LMCD1: variants seen among roughly 807,000 people sequenced by gnomAD.
LMCD1 encodes LIM and cysteine rich domains 1.
LMCD1 carries 32 observed loss-of-function variants against 42.7 expected under a neutral mutation model. The observed-to-expected ratio is 0.75, with a 90% CI of 0.57 to 1.01. The LOEUF is 1.01. Ranked by LOEUF, LMCD1 falls within the 50% of genes least tolerant of loss-of-function variation. The probability of loss-of-function intolerance (pLI) is 0.00; values close to 1 mark genes in which losing one functional copy is unlikely to be tolerated. For synonymous variants in LMCD1, 178 were observed against 184.9 expected, an observed-to-expected ratio of 0.96 and a Z score of 0.30; for missense variants, 458 against 483.1, an observed-to-expected ratio of 0.95 and a Z score of 0.49.
intron 1 of LMCD1, among the ~76,000 whole-genome samples, chr3:8,521,156 A>G (rs1342162157): frequency 6.6e-6 from 1 of 152,106 alleles, no homozygotes; most frequent in Admixed American, 6.5e-5. Flanking sequence ...GGATACAACA[A>G]CATGTAAACA....
chr3:8,527,648 C>T (rs1694325505), intron 1 of LMCD1, among the ~76,000 whole-genome samples: 1 of 152,058 alleles, frequency 6.6e-6, no homozygotes, highest in African/African-American at 2.4e-5. Flanking sequence ...AACATGTATG[C>T]TTATAGAACT....
intron 1 of LMCD1, among the ~76,000 whole-genome samples, chr3:8,514,374 G>A (rs1340514841): frequency 6.6e-6 from 1 of 152,192 alleles, no homozygotes; most frequent in South Asian, 2.1e-4. Flanking sequence ...GTGCTGGAGA[G>A]GATGTGGAGC....
rs568297496 is a variant in LMCD1 at position 8,523,870 on chromosome 3, A to T, written c.43-8867A>T. Among the ~76,000 whole-genome samples, 20 of 152,274 alleles carry T rather than the reference A, an allele frequency of 1.3e-4. No homozygotes were observed. In the South Asian group the frequency reaches 4.2e-3, roughly 32 times the overall value. On this transcript the variant is annotated intron_variant, in intron 1 of 5. Transcript: ENST00000157600. ...GGTGACACACAGGACCTGTCTCAGG[A>T]GGAGAGGTCAGGCAGAGGATTTACT... is the stretch of plus-strand genomic sequence containing the variant.
In LMCD1 at chr3:8,567,806, A is replaced by G; in HGVS notation, c.*208A>G. On this transcript the variant is annotated 3_prime_UTR_variant, in exon 6 of 6. Coordinates refer to ENST00000157600, the MANE Select transcript of LMCD1 (RefSeq NM_014583.4). ...ATCCTTGAGGGTCAGTAGTTTCAAA[A>G]CCAAAAATATTCTAAGAAGTCTTAG... is the stretch of plus-strand genomic sequence containing the variant. 2.7e-6 allele frequency: 1 copy of G among 374,450 alleles called. No homozygotes were observed. Among genetic ancestry groups the G allele is most frequent in the Middle Eastern group, 6.8e-4 (1 of 1,466 alleles). 23.2% of individuals were successfully genotyped at this position (374,450 alleles called of 1,614,324 possible). A position where few individuals can be genotyped will look rare whatever the true frequency, so the allele number is the denominator to read the frequency against.
At chr3:8,502,658 T>C (rs1220553187) in intron 1 of LMCD1, among the ~76,000 whole-genome samples, 1 of 150,302 alleles carries the variant, frequency 6.7e-6, no homozygotes. Context: ...AGTTCCAGCA[T>C]AAGGGAACTG....
rs768952160 is a variant in LMCD1 at position 8,565,546 on chromosome 3, G to A, written c.838G>A (p.Glu280Lys). Reference sequence around the variant, plus strand: ...CTGCTTTGTGTGTGCCAAGTGCTCCGAGCCGCTGGTGGACCTCATCTACTT... The same window carrying A: ...CTGCTTTGTGTGTGCCAAGTGCTCCAAGCCGCTGGTGGACCTCATCTACTT... ...PTCFVCAKCS[E>K]PLVDLIYFWK... is the part of the protein sequence containing the mutation. The change falls in exon 5 of 6, where the codon GAG (glutamate) becomes AAG (lysine). Residue 280 changes from glutamate (E) to lysine (K), a missense_variant. Glu to Lys is a moderately conservative substitution (Grantham distance 56). Transcript: ENST00000157600. 6.8e-6 allele frequency: 11 copies of A among 1,614,186 alleles called. No homozygotes were observed. The highest frequency in any genetic ancestry group is 2.2e-5 in the East Asian group (1 of 44,874).
intron 1 of LMCD1, among the ~76,000 whole-genome samples, chr3:8,513,904 G>A (rs974060464): frequency 3.3e-5 from 5 of 152,110 alleles, no homozygotes; most frequent in African/African-American, 9.7e-5. Flanking sequence ...GAAAATATTT[G>A]CAGTATTTAT....
intron 1 of LMCD1, among the ~76,000 whole-genome samples, chr3:8,503,161 C>A (rs568430764): frequency 1.3e-5 from 2 of 152,274 alleles, no homozygotes; most frequent in Non-Finnish European, 2.9e-5. Flanking sequence ...TCTTGAAGGG[C>A]AAAGTCTTCC....
intron 4 of LMCD1, among the ~76,000 whole-genome samples, chr3:8,559,536 CTGACT>C (rs1339053663): frequency 1.3e-5 from 2 of 152,212 alleles, no homozygotes; most frequent in African/African-American, 4.8e-5. Context: ...CCCAGGCAGT[CTGACT>C]TGGTATCTCC....
At chr3:8,544,002 G>A (rs1694685463) in intron 3 of LMCD1, among the ~76,000 whole-genome samples, 1 of 152,202 alleles carries the variant, frequency 6.6e-6, no homozygotes. Context: ...GCCCTTCCCA[G>A]ATGTTGCTGC....
At chr3:8,564,410 A>G (rs1307777331) in intron 4 of LMCD1, among the ~76,000 whole-genome samples, 3 of 152,108 alleles carry the variant, frequency 2.0e-5, no homozygotes, top group Non-Finnish European at 4.4e-5. Context: ...AGCTAGGACT[A>G]CAGATGAGCA....
intron 3 of LMCD1, 152 bp downstream of exon 3, chr3:8,537,592 A>G: frequency 1.2e-6 from 1 of 808,992 alleles, no homozygotes; most frequent in East Asian, 2.6e-5. Context: ...CCCTTATATC[A>G]TGTGATGTTG....
Position 8,503,841 on chromosome 3 carries a change from T to A in LMCD1, c.42+1861T>A, listed in dbSNP as rs1013023683. Among the ~76,000 whole-genome samples, 18 of 152,220 alleles carry A rather than the reference T, an allele frequency of 1.2e-4. No homozygotes were observed. In the South Asian group the frequency reaches 2.5e-3, roughly 21 times the overall value. ...GTGAAATGATTCTGAGTATTTTTAA[T>A]ATAAGCTGGTTGATAGTTACTGTAT... On this transcript the variant is annotated intron_variant, in intron 1 of 5. Transcript: ENST00000157600.
At chr3:8,520,837 T>A (rs73130038) in intron 1 of LMCD1, among the ~76,000 whole-genome samples, 7,052 of 152,240 alleles carry the variant, frequency 0.046, 287 homozygotes, top group African/African-American at 0.1. Flanking sequence ...AAAGATTCAT[T>A]AAAAGTCCAC....
intron 1 of LMCD1, among the ~76,000 whole-genome samples, chr3:8,505,881 A>G (rs988829219): frequency 1.1e-4 from 17 of 152,188 alleles, no homozygotes; most frequent in African/African-American, 3.9e-4. Flanking sequence ...TCCAATGTAA[A>G]CACAGCTCCT....
chr3:8,524,431 G>A (rs1694260602), intron 1 of LMCD1, among the ~76,000 whole-genome samples: 1 of 152,104 alleles, frequency 6.6e-6, no homozygotes, highest in African/African-American at 2.4e-5. Context: ...AAGAGGAAGG[G>A]TTGTGGTTTC....
chr3:8,564,837 T>A (rs2125040920), intron 4 of LMCD1, among the ~76,000 whole-genome samples: 1 of 152,320 alleles, frequency 6.6e-6, no homozygotes, highest in South Asian at 2.1e-4. Context: ...CAGTGTGAGT[T>A]CAGATTTTCT....
intron 1 of LMCD1, among the ~76,000 whole-genome samples, chr3:8,524,975 G>C (rs953729323): frequency 6.6e-6 from 1 of 152,266 alleles, no homozygotes; most frequent in South Asian, 2.1e-4. Context: ...GTGGGCCACC[G>C]AGCCTAGCCC....
chr3:8,542,169 G>T (rs1694640300), intron 3 of LMCD1, among the ~76,000 whole-genome samples: 1 of 151,846 alleles, frequency 6.6e-6, no homozygotes, highest in Admixed American at 6.6e-5. Context: ...TAATTTTTTT[G>T]TTGTTGTTTT....
Sources: gnomAD v4.1 joint callset for allele counts (sites outside exome capture counted in the v4.1 genomes callset) on GRCh38, gnomAD v4.1.1 for gene constraint, MANE v1.5 for transcripts, NCBI Gene and HGNC (gene_info 2026-07-23, HGNC 2026-07-21) for gene names.